Variants in FARS2 observed in about 807,000 individuals in gnomAD.
The protein encoded by FARS2 is phenylalanyl-tRNA synthetase 2, mitochondrial.
FARS2 carries 40 observed loss-of-function variants against 46.4 expected under a neutral mutation model. The observed-to-expected ratio is 0.86, with a 90% confidence interval of 0.67 to 1.12. The LOEUF (loss-of-function observed/expected upper bound fraction) is 1.12, where lower values mean the gene tolerates loss of function less well. Among genes scored for constraint, FARS2 ranks in the 50% most tolerant of loss-of-function variants. The pLI is 0.00. For missense variants in FARS2, 513 were observed against 567.9 expected (o/e 0.90, Z 0.98); for synonymous variants, 234 against 214.9 (o/e 1.09, Z -0.78).
chr6:5,426,743 A>C (rs1176705901), intron 3 of FARS2, among the ~76,000 whole-genome samples: 1 of 152,198 alleles, frequency 6.6e-6, no homozygotes, highest in Non-Finnish European at 1.5e-5. Flanking sequence ...TTCGTGACTC[A>C]GCCTCCCAAG....
intron 6 of FARS2, among the ~76,000 whole-genome samples, chr6:5,679,103 T>C (rs1778904204): frequency 6.6e-6 from 1 of 152,142 alleles, no homozygotes; most frequent in Admixed American, 6.6e-5. Flanking sequence ...CCTTAGGAAA[T>C]AGTCTCACAA....
Position 5,490,306 on chromosome 6 carries a change from G to A in FARS2, c.905-54874G>A, listed in dbSNP as rs149180327. Among the ~76,000 whole-genome samples the A allele has an allele frequency of 1.8e-3, 267 of 152,274 alleles. 2 individuals are homozygous for A. Among genetic ancestry groups the A allele is most frequent in the African/African-American group, 6.3e-3 (262 of 41,544 alleles). ...TTTATCCATTAATCAGCTGATGGACGTTTGGATTGCTTCCAGTTTGGGGCT... is the reference window on the plus strand; with the variant it reads ...TTTATCCATTAATCAGCTGATGGACATTTGGATTGCTTCCAGTTTGGGGCT... On this transcript the variant is annotated intron_variant, in intron 4 of 6. Coordinates refer to ENST00000274680, the MANE Select transcript of FARS2 (RefSeq NM_006567.5).
intron 4 of FARS2, among the ~76,000 whole-genome samples, chr6:5,532,489 C>T (rs1250160541): frequency 2.0e-5 from 3 of 152,212 alleles, no homozygotes; most frequent in Non-Finnish European, 4.4e-5. Context: ...CAGTGGCTCA[C>T]GCCTGTAATC....
chr6:5,409,403 A>T (rs1281375587), intron 3 of FARS2, among the ~76,000 whole-genome samples: 2 of 151,812 alleles, frequency 1.3e-5, no homozygotes, highest in Non-Finnish European at 2.9e-5. Flanking sequence ...GTGAGCCAAG[A>T]TTGCACCACC....
At chr6:5,299,263 T>C (rs1288097241) in intron 1 of FARS2, among the ~76,000 whole-genome samples, 1 of 152,246 alleles carries the variant, frequency 6.6e-6, no homozygotes, top group Non-Finnish European at 1.5e-5. Context: ...TGTCATCTCC[T>C]CTGGCGAACA....
At chr6:5,252,121 A>G in the FARS2 span, among the ~76,000 whole-genome samples, 239 of 152,336 alleles carry the variant, frequency 1.6e-3, 1 homozygote, top group Non-Finnish European at 2.1e-3. Context: ...CACTCATGAA[A>G]CTAGGGAGCC....
chr6:5,740,517 A>G (rs1465384842), intron 6 of FARS2, among the ~76,000 whole-genome samples: 1 of 151,928 alleles, frequency 6.6e-6, no homozygotes, highest in Non-Finnish European at 1.5e-5. Context: ...TTTTTTCAAA[A>G]AAGCAAAATC....
intron 1 of FARS2, among the ~76,000 whole-genome samples, chr6:5,271,655 G>C (rs867325371): frequency 7.3e-6 from 1 of 137,030 alleles, no homozygotes; most frequent in South Asian, 2.3e-4. Flanking sequence ...CTCCGCCTCC[G>C]GGGTTCAAGC....
intron 6 of FARS2, among the ~76,000 whole-genome samples, chr6:5,636,489 G>A (rs546472393): frequency 2.6e-4 from 40 of 152,310 alleles, no homozygotes; most frequent in Admixed American, 2.4e-3. Flanking sequence ...CTTGACCCAC[G>A]AAGGAATTTA....
At chr6:5,583,207 A>G (rs547867492) in intron 5 of FARS2, among the ~76,000 whole-genome samples, 54 of 152,356 alleles carry the variant, frequency 3.5e-4, no homozygotes, top group African/African-American at 1.3e-3. Context: ...CTTCCTTAGC[A>G]ATTAGAACCT....
At chr6:5,687,133 T>C (rs1323164385) in intron 6 of FARS2, among the ~76,000 whole-genome samples, 2 of 152,256 alleles carry the variant, frequency 1.3e-5, no homozygotes, top group Non-Finnish European at 2.9e-5. Flanking sequence ...AAAAATTTTC[T>C]CCCATTTTGT....
chr6:5,593,405 T>A (rs1774031615), intron 5 of FARS2, among the ~76,000 whole-genome samples: 1 of 151,926 alleles, frequency 6.6e-6, no homozygotes, highest in African/African-American at 2.4e-5. Flanking sequence ...TAAGAGAAGG[T>A]GCAGCAAGAG....
intron 4 of FARS2, among the ~76,000 whole-genome samples, chr6:5,478,344 C>T (rs998551627): frequency 2.0e-5 from 3 of 152,182 alleles, no homozygotes; most frequent in Admixed American, 2.0e-4. Context: ...ATATCTTTCA[C>T]TTGTATGATG....
intron 5 of FARS2, among the ~76,000 whole-genome samples, chr6:5,549,738 TA>T (rs1771260391): frequency 6.6e-6 from 1 of 152,210 alleles, no homozygotes; most frequent in Admixed American, 6.5e-5. Flanking sequence ...TAAGGTAATG[TA>T]TTTCTAGGTT....
At position 5,584,484 on chromosome 6, in the gene FARS2, T is replaced by G. The variant is rs1773510139; in HGVS notation, c.1066-28685T>G. 2.0e-5 allele frequency among the ~76,000 whole-genome samples: 3 copies of G among 152,288 alleles called. No homozygotes were observed. In the South Asian group the frequency reaches 6.2e-4, roughly 32 times the overall value. On this transcript the variant is annotated intron_variant, in intron 5 of 6. Transcript: ENST00000274680. ...GAATTTCATATATTTTAAATGTGGT[T>G]TCAAAGGTCTTTTTAAAATTAATTC...
intron 6 of FARS2, among the ~76,000 whole-genome samples, chr6:5,626,585 C>T (rs571868744): frequency 1.3e-5 from 2 of 152,338 alleles, no homozygotes; most frequent in East Asian, 3.9e-4. Flanking sequence ...CAAAGCCCCT[C>T]TCCCACATCC....
At chr6:5,595,628 C>T (rs1056025850) in intron 5 of FARS2, among the ~76,000 whole-genome samples, 4 of 152,312 alleles carry the variant, frequency 2.6e-5, no homozygotes, top group African/African-American at 9.6e-5. Context: ...TAAACTCTTC[C>T]CCAGGTTACA....
At chr6:5,551,860 T>C (rs1437919644) in intron 5 of FARS2, among the ~76,000 whole-genome samples, 2 of 152,150 alleles carry the variant, frequency 1.3e-5, no homozygotes, top group Non-Finnish European at 2.9e-5. Flanking sequence ...TCACCCTCTC[T>C]CTGAATTTTT....
chr6:5,527,724 T>G (rs986899258), intron 4 of FARS2, among the ~76,000 whole-genome samples: 5 of 152,186 alleles, frequency 3.3e-5, no homozygotes, highest in Admixed American at 2.0e-4. Context: ...CTGTATGCAA[T>G]TCAATTCAAG....
Sources: allele counts gnomAD v4.1 joint callset (sites outside exome capture counted in the v4.1 genomes callset), GRCh38; gene constraint gnomAD v4.1.1; transcripts MANE v1.5; gene names NCBI Gene and HGNC (gene_info 2026-07-23, HGNC 2026-07-21).